PRKG1: variants seen among roughly 807,000 people sequenced by gnomAD.
The protein encoded by PRKG1 is protein kinase cGMP-dependent 1.
A neutral mutation model predicts 88.1 loss-of-function variants in PRKG1; 35 were observed. The ratio of observed to expected loss-of-function variants is 0.40; its 90% CI spans 0.30 to 0.53. The LOEUF is 0.53. PRKG1 is among the 20% of genes least tolerant of loss of function. The pLI is 0.59. For synonymous variants in PRKG1, 303 were observed against 292.5 expected, an observed-to-expected ratio of 1.04 and a Z score of -0.37; for missense variants, 540 against 839.8, an observed-to-expected ratio of 0.64 and a Z score of 4.41.
intron 7 of PRKG1, among the ~76,000 whole-genome samples, chr10:52,091,123 G>C (rs1292287237): frequency 1.3e-5 from 2 of 152,146 alleles, no homozygotes; most frequent in East Asian, 1.9e-4. Context: ...CCGGGCTCTT[G>C]TCTGTTGTAA....
At chr10:51,902,901 A>G (rs1290910560) in intron 4 of PRKG1, among the ~76,000 whole-genome samples, 2 of 152,192 alleles carry the variant, frequency 1.3e-5, no homozygotes, top group Non-Finnish European at 2.9e-5. Flanking sequence ...ACCTTTGAAG[A>G]CCCATACAAA....
At chr10:52,204,091 A>AC (rs1839746535) in intron 9 of PRKG1, among the ~76,000 whole-genome samples, 1 of 63,902 alleles carries the variant, frequency 1.6e-5, no homozygotes, top group African/African-American at 3.3e-5. Context: ...TATTATTATT[A>AC]TTATTATTAT....
intron 9 of PRKG1, among the ~76,000 whole-genome samples, chr10:52,180,390 T>G (rs973023802): frequency 4.6e-5 from 7 of 152,204 alleles, no homozygotes; most frequent in African/African-American, 1.4e-4. Context: ...TTACTTTGGA[T>G]TTTTCTTTGG....
chr10:51,830,546 GTGTTTTTTTTTTTGTT>G (rs763948400), intron 4 of PRKG1, among the ~76,000 whole-genome samples: 1 of 129,050 alleles, frequency 7.7e-6, no homozygotes, highest in African/African-American at 3.4e-5. Context: ...TTCTCTTAAA[GTGTTTTTTTTTTTGTT>G]TTTTTTTTTT....
At chr10:51,321,119 T>G (rs1841443872) in intron 2 of PRKG1, among the ~76,000 whole-genome samples, 3 of 152,130 alleles carry the variant, frequency 2.0e-5, no homozygotes, top group Non-Finnish European at 2.9e-5. Context: ...TGCAATTCAG[T>G]GCTTTTCCAC....
At chr10:51,551,649 A>G (rs1837138132) in intron 3 of PRKG1, among the ~76,000 whole-genome samples, 1 of 151,794 alleles carries the variant, frequency 6.6e-6, no homozygotes, top group South Asian at 2.1e-4. Flanking sequence ...AGATATTTTG[A>G]GAGAATGGCA....
chr10:51,186,579 G>A (rs867434522), intron 2 of PRKG1, among the ~76,000 whole-genome samples: 2 of 151,996 alleles, frequency 1.3e-5, no homozygotes, highest in South Asian at 4.2e-4. Context: ...GGGAGTTGAG[G>A]GAGTGGAGTA....
intron 1 of PRKG1, among the ~76,000 whole-genome samples, chr10:51,112,749 T>G (rs916447711): frequency 6.6e-6 from 1 of 152,188 alleles, no homozygotes; most frequent in Non-Finnish European, 1.5e-5. Flanking sequence ...TTTTAAATTT[T>G]CAGTCTTCTT....
At chr10:51,656,425 A>G (rs1322050511) in intron 3 of PRKG1, among the ~76,000 whole-genome samples, 1 of 152,122 alleles carries the variant, frequency 6.6e-6, no homozygotes, top group Non-Finnish European at 1.5e-5. Flanking sequence ...CTTTGTATTG[A>G]GAGCCCATCA....
At chr10:51,737,510 A>C (rs1386755422) in intron 3 of PRKG1, among the ~76,000 whole-genome samples, 1 of 152,110 alleles carries the variant, frequency 6.6e-6, no homozygotes, top group Non-Finnish European at 1.5e-5. Context: ...TTCCCATTAC[A>C]TAAAGGGGTA....
intron 3 of PRKG1, among the ~76,000 whole-genome samples, chr10:51,780,067 T>A (rs1207294756): frequency 6.6e-6 from 1 of 152,166 alleles, no homozygotes; most frequent in Non-Finnish European, 1.5e-5. Context: ...GAGTTTGGCA[T>A]AATCTGTTCT....
chr10:51,619,684 A>G (rs1341337287), intron 3 of PRKG1, among the ~76,000 whole-genome samples: 1 of 152,208 alleles, frequency 6.6e-6, no homozygotes, highest in Non-Finnish European at 1.5e-5. Context: ...TCTGTGCAAG[A>G]GAAAGAAAGC....
At chr10:52,113,433 G>A (rs948856200) in intron 7 of PRKG1, among the ~76,000 whole-genome samples, 4 of 151,950 alleles carry the variant, frequency 2.6e-5, no homozygotes, top group African/African-American at 9.7e-5. Flanking sequence ...AAGGGAGGGA[G>A]GGAAAGAGGG....
intron 5 of PRKG1, among the ~76,000 whole-genome samples, chr10:51,958,531 C>T (rs529687215): frequency 5.1e-5 from 7 of 136,346 alleles, no homozygotes; most frequent in South Asian, 2.4e-4. Context: ...AGGAATAGGT[C>T]GTCCATTGTT....
chr10:51,476,095 C>G (rs1468393482), intron 3 of PRKG1, among the ~76,000 whole-genome samples: 1 of 151,974 alleles, frequency 6.6e-6, no homozygotes, highest in Non-Finnish European at 1.5e-5. Flanking sequence ...ATAGTGTGAT[C>G]CAGGTAGTCT....
At chr10:51,529,533 T>A (rs1841963266) in intron 3 of PRKG1, among the ~76,000 whole-genome samples, 2 of 152,180 alleles carry the variant, frequency 1.3e-5, no homozygotes, top group Admixed American at 6.5e-5. Context: ...TTTCCAATCC[T>A]TGGTAATATA....
intron 3 of PRKG1, among the ~76,000 whole-genome samples, chr10:51,548,195 C>T (rs930655229): frequency 6.6e-6 from 1 of 152,054 alleles, no homozygotes; most frequent in Non-Finnish European, 1.5e-5. Context: ...TCTCTATTGT[C>T]CCCCTGATGA....
chr10:51,925,479 A>G (rs1487434928), intron 5 of PRKG1, among the ~76,000 whole-genome samples: 5 of 152,102 alleles, frequency 3.3e-5, no homozygotes, highest in South Asian at 4.1e-4. Context: ...GGAGTTATGC[A>G]TACCCCTTTC....
At chr10:51,687,815 G>A (rs1391190062) in intron 3 of PRKG1, among the ~76,000 whole-genome samples, 1 of 152,096 alleles carries the variant, frequency 6.6e-6, no homozygotes, top group East Asian at 1.9e-4. Flanking sequence ...AAGGAAAAAA[G>A]GGTTACACAT....
Sources: gnomAD v4.1 joint callset for allele counts (sites outside exome capture counted in the v4.1 genomes callset) on GRCh38, gnomAD v4.1.1 for gene constraint, MANE v1.5 for transcripts, NCBI Gene and HGNC (gene_info 2026-07-23, HGNC 2026-07-21) for gene names.